Variants in SEMA5B observed in about 807,000 individuals in gnomAD.
SEMA5B encodes semaphorin-5B.
SEMA5B carries 66 observed loss-of-function variants against 135.0 expected under a neutral mutation model. The ratio of observed to expected loss-of-function variants is 0.49; its 90% CI spans 0.40 to 0.60. SEMA5B has a LOEUF of 0.60. SEMA5B is among the 20% of genes least tolerant of loss of function. SEMA5B has a pLI of 0.00. For synonymous variants in SEMA5B, 690 were observed against 639.5 expected (o/e 1.08, Z -1.19); for missense variants, 1,501 against 1,566.3 (o/e 0.96, Z 0.70).
intron 1 of SEMA5B, among the ~76,000 whole-genome samples, chr3:123,013,765 G>A (rs915777647): frequency 6.6e-6 from 1 of 152,226 alleles, no homozygotes; most frequent in African/African-American, 2.4e-5. Context: ...CTTCACTTAT[G>A]TGCTTTCCCC....
chr3:123,004,395 C>T (rs1560435147), intron 1 of SEMA5B, among the ~76,000 whole-genome samples: 1 of 152,202 alleles, frequency 6.6e-6, no homozygotes. Context: ...AGCAAATTGT[C>T]CCATACACCC....
intron 1 of SEMA5B, among the ~76,000 whole-genome samples, chr3:122,965,012 A>G (rs1201475821): frequency 6.6e-6 from 1 of 152,178 alleles, no homozygotes; most frequent in Non-Finnish European, 1.5e-5. Context: ...CTGGTGTTTG[A>G]TTCCATGTGC....
rs1209686184 is a variant in SEMA5B at position 122,913,916 on chromosome 3, T to C, written c.2074A>G (p.Ser692Gly). The C allele has an allele frequency of 6.2e-7, 1 of 1,612,742 alleles. No homozygotes were observed. Among genetic ancestry groups the C allele is most frequent in the Non-Finnish European group, 8.5e-7 (1 of 1,179,894 alleles). The change falls in exon 15 of 23, where the codon AGC becomes GGC. Residue 692 changes from serine to glycine, a missense_variant. This residue lies in a region of SEMA5B where 927 missense variants were observed against 881.6 expected (regional missense o/e 1.05). Transcript: ENST00000357599. ...IGFQVRQRSC[S>G]NPAPRHGGRI... ...CCCCCGTGGCGGGGAGCAGGGTTGC[T>C]GCAACTTCGCTGGCGGACCTGGAAG... is the stretch of plus-strand genomic sequence containing the variant.
At chr3:122,977,237 T>C (rs1941360416) in intron 1 of SEMA5B, among the ~76,000 whole-genome samples, 1 of 152,128 alleles carries the variant, frequency 6.6e-6, no homozygotes, top group South Asian at 2.1e-4. Context: ...AGAAAGCCCT[T>C]TGTAAAGGGC....
intron 1 of SEMA5B, among the ~76,000 whole-genome samples, chr3:123,006,630 C>T (rs973005944): frequency 7.2e-5 from 11 of 152,154 alleles, no homozygotes; most frequent in African/African-American, 2.4e-4. Flanking sequence ...CTCTGGGCTA[C>T]TTTGGTTTCC....
chr3:122,923,571 G>C, intron 10 of SEMA5B, 46 bp downstream of exon 10: 1 of 1,609,918 alleles, frequency 6.2e-7, no homozygotes, highest in Non-Finnish European at 8.5e-7. Flanking sequence ...GTAATCTGGG[G>C]GTAAGGCAGT....
chr3:122,962,947 G>T (rs1312793556), intron 1 of SEMA5B, among the ~76,000 whole-genome samples: 1 of 152,162 alleles, frequency 6.6e-6, no homozygotes, highest in African/African-American at 2.4e-5. Context: ...GGTGGCTACA[G>T]GTCCGATCTG....
Position 122,909,100 on chromosome 3 carries a change from C to A in SEMA5B, c.*1043G>T, listed in dbSNP as rs550094816. ...AGATAAGGCTACTTGGGGCATTTCC[C>A]CCGCCTTGAGAGACCATCTGCCACC... On this transcript the variant is annotated 3_prime_UTR_variant, in exon 23 of 23. Coordinates refer to ENST00000357599, the MANE Select transcript of SEMA5B (RefSeq NM_001031702.4). The A allele has an allele frequency of 6.6e-6, 1 of 152,626 alleles. No homozygotes were observed. The highest frequency in any genetic ancestry group is 2.4e-5 in the African/African-American group (1 of 41,428). The allele number at this position is 152,626 out of a possible 1,614,324, so 9.5% of individuals were successfully genotyped here.
chr3:122,943,002 G>T (rs944868944), intron 4 of SEMA5B, among the ~76,000 whole-genome samples: 6 of 152,212 alleles, frequency 3.9e-5, no homozygotes, highest in Non-Finnish European at 5.9e-5. Flanking sequence ...GGTAGGTGAG[G>T]TCCTTCGGGA....
intron 1 of SEMA5B, among the ~76,000 whole-genome samples, chr3:123,026,030 A>G (rs1247350673): frequency 3.3e-5 from 5 of 152,160 alleles, no homozygotes; most frequent in Admixed American, 3.3e-4. Flanking sequence ...ACAGGCTTAA[A>G]AAGATGAGCT....
chr3:122,919,845 C>G (rs926020712), intron 12 of SEMA5B, among the ~76,000 whole-genome samples: 2 of 152,188 alleles, frequency 1.3e-5, no homozygotes, highest in Non-Finnish European at 2.9e-5. Context: ...GATGAAAGCA[C>G]CAAACTCCAA....
intron 1 of SEMA5B, among the ~76,000 whole-genome samples, chr3:122,997,268 GCT>G (rs1411301247): frequency 2.0e-5 from 3 of 152,176 alleles, no homozygotes; most frequent in Admixed American, 2.0e-4. Context: ...CCTGTGTTCT[GCT>G]CTCTTTCTCA....
At chr3:122,948,798 G>A (rs2107553192) in intron 2 of SEMA5B, 89 bp from the exon 3 acceptor site, 1 of 1,035,088 alleles carries the variant, frequency 9.7e-7, no homozygotes, top group East Asian at 2.6e-5. Context: ...GCCCCCACAG[G>A]ATTTGAAAAA....
At position 122,961,139 on chromosome 3, in the gene SEMA5B, C is replaced by G; in HGVS notation, c.124+1G>C. 6.2e-7 allele frequency: 1 copy of G among 1,610,290 alleles called. No individual in the cohort carries two copies. The highest frequency in any genetic ancestry group is 8.5e-7 in the Non-Finnish European group (1 of 1,177,850). The stretch of plus-strand genomic sequence containing the variant: ...CCCCACACTCCCCTGGGCACACTTA[C>G]CCCTGACCAGTGAGAGAAGCCAGCC... On this transcript the variant is annotated splice_donor_variant, in intron 2 of 22. Coordinates refer to ENST00000357599, the MANE Select transcript of SEMA5B (RefSeq NM_001031702.4). LOFTEE classifies it high-confidence loss of function.
intron 2 of SEMA5B, among the ~76,000 whole-genome samples, chr3:122,952,965 G>T (rs888370141): frequency 6.6e-6 from 1 of 152,184 alleles, no homozygotes; most frequent in African/African-American, 2.4e-5. Flanking sequence ...TGCACAGGGA[G>T]TTATCCCATA....
intron 1 of SEMA5B, among the ~76,000 whole-genome samples, chr3:122,963,057 G>T (rs1360322524): frequency 2.6e-5 from 4 of 152,196 alleles, no homozygotes; most frequent in Non-Finnish European, 5.9e-5. Context: ...GTCTGTGTTG[G>T]TCACAGAAGC....
chr3:123,022,780 C>T (rs1216720558), intron 1 of SEMA5B, among the ~76,000 whole-genome samples: 1 of 152,246 alleles, frequency 6.6e-6, no homozygotes, highest in Admixed American at 6.5e-5. Context: ...TTTCATCTCT[C>T]ATGCTCACTA....
chr3:123,008,081 A>G (rs1942353143), intron 1 of SEMA5B, among the ~76,000 whole-genome samples: 2 of 152,260 alleles, frequency 1.3e-5, no homozygotes, highest in Admixed American at 6.5e-5. Flanking sequence ...GGTTTGCATG[A>G]TCGGCAAAGG....
intron 5 of SEMA5B, among the ~76,000 whole-genome samples, chr3:122,938,464 T>C (rs1268489648): frequency 6.6e-6 from 1 of 152,196 alleles, no homozygotes; most frequent in African/African-American, 2.4e-5. Context: ...CCTGGGTGTG[T>C]GGACCCAGGT....
Sources: gnomAD v4.1 joint callset for allele counts (sites outside exome capture counted in the v4.1 genomes callset) on GRCh38, gnomAD v4.1.1 for gene constraint, gnomAD v4.1.1 regional missense constraint, MANE v1.5 for transcripts, NCBI Gene and HGNC (gene_info 2026-07-23, HGNC 2026-07-21) for gene names.